SBSPON: variants seen among roughly 807,000 people sequenced by gnomAD.
SBSPON encodes somatomedin B and thrombospondin type 1 domain containing, also known as somatomedin-B and thrombospondin type-1 domain-containing protein.
In SBSPON, 30 loss-of-function variants were observed where a neutral mutation model predicts 35.8. That is an observed-to-expected ratio of 0.84 (90% CI 0.63 to 1.14). SBSPON has a LOEUF of 1.14. SBSPON is among the 50% of genes most tolerant of loss of function. The pLI, the probability that SBSPON is intolerant of heterozygous loss-of-function variation, is 0.00. For missense variants in SBSPON, 364 were observed against 357.7 expected, an observed-to-expected ratio of 1.02 and a Z score of -0.14; for synonymous variants, 136 against 135.9, an observed-to-expected ratio of 1.00 and a Z score of 0.00.
intron 2 of SBSPON, among the ~76,000 whole-genome samples, chr8:73,076,523 T>TG (rs1359185338): frequency 6.6e-6 from 1 of 151,776 alleles, no homozygotes; most frequent in Non-Finnish European, 1.5e-5. Flanking sequence ...GGTGCGCGCC[T>TG]GTAATCCCAG....
intron 3 of SBSPON, 67 bp from the exon 4 acceptor site, chr8:73,070,048 TAGAA>T (rs1003466803): frequency 2.9e-5 from 31 of 1,064,656 alleles, no homozygotes; most frequent in African/African-American, 9.7e-5. Flanking sequence ...TAGAAAGTCT[TAGAA>T]AGCCTGTCAC....
At position 73,092,957 on chromosome 8, in the gene SBSPON, G is replaced by C; in HGVS notation, c.111C>G (p.Phe37Leu). The C allele has an allele frequency of 1.1e-5, 18 of 1,602,022 alleles. No homozygotes were observed. The highest frequency in any genetic ancestry group is 1.5e-5 in the Non-Finnish European group (18 of 1,175,930). The change falls in exon 1 of 5, where the codon TTC becomes TTG. Residue 37 changes from phenylalanine to leucine, a missense_variant. Coordinates refer to ENST00000297354, the MANE Select transcript of SBSPON (RefSeq NM_153225.4). Reference protein sequence around the residue: ...RCCPGRDPACFARGWRLDRVY... With the variant: ...RCCPGRDPACLARGWRLDRVY... ...CCCTGTCCAGCCTCCAGCCGCGGGC[G>C]AAGCAGGCGGGGTCCCGGCCGGGAC...
Position 73,092,959 on chromosome 8 carries a change from A to C in SBSPON, c.109T>G (p.Phe37Val), listed in dbSNP as rs1810965100. 6.2e-7 allele frequency: 1 copy of C among 1,601,728 alleles called. No individual in the cohort carries two copies. Among genetic ancestry groups the C allele is most frequent in the Non-Finnish European group, 8.5e-7 (1 of 1,175,898 alleles). Residue 37 changes from phenylalanine (F) to valine (V), a missense_variant, in exon 1 of 5, where the codon TTC (phenylalanine) becomes GTC (valine). Physicochemically the swap from Phe to Val is conservative, Grantham distance 50 (BLOSUM62 -1). Transcript: ENST00000297354. ...CTGTCCAGCCTCCAGCCGCGGGCGA[A>C]GCAGGCGGGGTCCCGGCCGGGACAG... ...RCCPGRDPAC[F>V]ARGWRLDRVY...
intron 1 of SBSPON, among the ~76,000 whole-genome samples, chr8:73,090,818 G>A (rs1810918487): frequency 1.3e-5 from 2 of 152,140 alleles, no homozygotes; most frequent in Admixed American, 1.3e-4. Context: ...CACTTACAGT[G>A]ATTTCTGAGA....
intron 4 of SBSPON, among the ~76,000 whole-genome samples, chr8:73,067,890 G>A (rs564436145): frequency 4.0e-5 from 6 of 150,830 alleles, no homozygotes; most frequent in Admixed American, 3.3e-4. Flanking sequence ...CCCTTGTTTA[G>A]TTTCTGTCAA....
At position 73,069,370 on chromosome 8, in the gene SBSPON, C is replaced by T. The variant is rs368390286; in HGVS notation, c.677+435G>A. The stretch of plus-strand genomic sequence containing the variant: ...TGCAATCTTGGATCACTGCAACCTC[C>T]GCCTCCTGGACTCAAGTGATCCTCC... On this transcript the variant is annotated intron_variant, in intron 4 of 4. Coordinates refer to ENST00000297354, the MANE Select transcript of SBSPON (RefSeq NM_153225.4). Among the ~76,000 whole-genome samples, 38 of 152,212 alleles carry T rather than the reference C, an allele frequency of 2.5e-4. No individual in the cohort carries two copies. In the South Asian group the frequency reaches 5.6e-3, roughly 22 times the overall value.
chr8:73,085,426 T>C (rs1371763240), intron 1 of SBSPON: 1 of 137,954 alleles, frequency 7.2e-6, no homozygotes, highest in African/African-American at 2.9e-5. Context: ...TTTCAGAATA[T>C]GGTGAAAAAA....
intron 2 of SBSPON, among the ~76,000 whole-genome samples, chr8:73,075,349 A>G (rs1225209653): frequency 6.6e-6 from 1 of 152,196 alleles, no homozygotes; most frequent in Non-Finnish European, 1.5e-5. Context: ...TCCCAGAACC[A>G]GCATCACTTT....
rs551866823 is a variant in SBSPON at position 73,082,101 on chromosome 8, T to C, written c.215-888A>G. ...TAAAGCCATTCTCCTTCCTTGATTG[T>C]GAAGTCCACTTAACAAATCTGAAGA... On this transcript the variant is annotated intron_variant, in intron 1 of 4. Transcript: ENST00000297354. Among the ~76,000 whole-genome samples, 53 of 152,330 alleles carry C rather than the reference T, an allele frequency of 3.5e-4. 2 individuals carry two copies. In the South Asian group the frequency reaches 0.01, roughly 29 times the overall value.
At chr8:73,075,333 T>C (rs1243465255) in intron 2 of SBSPON, among the ~76,000 whole-genome samples, 1 of 152,230 alleles carries the variant, frequency 6.6e-6, no homozygotes, top group Non-Finnish European at 1.5e-5. Context: ...CCAGACTGCC[T>C]GGAGGTCCCA....
intron 2 of SBSPON, among the ~76,000 whole-genome samples, chr8:73,074,057 A>C (rs1007750): frequency 0.39 from 59,181 of 152,042 alleles, 12,464 homozygotes; most frequent in East Asian, 0.82. Context: ...AAAGGATTTA[A>C]TTCTCCCATA....
chr8:73,074,358 A>G (rs1239970061), intron 2 of SBSPON, among the ~76,000 whole-genome samples: 1 of 152,178 alleles, frequency 6.6e-6, no homozygotes, highest in Non-Finnish European at 1.5e-5. Context: ...ATAATAATAA[A>G]AATACGCACT....
chr8:73,083,623 T>C (rs978018135), intron 1 of SBSPON, among the ~76,000 whole-genome samples: 1 of 152,238 alleles, frequency 6.6e-6, no homozygotes, highest in African/African-American at 2.4e-5. Flanking sequence ...ATAGTATTCA[T>C]GTCCCCTTTC....
rs188040566 is a variant in SBSPON at position 73,081,106 on chromosome 8, C to T, written c.322G>A (p.Gly108Ser). ...RRSVQQEPQN[G>S]GAPCPPLEER... The stretch of plus-strand genomic sequence containing the variant: ...TCCAGGGGTGGGCAGGGCGCCCCGC[C>T]GTTCTGAGGCTCCTGCTGCACCGAG... The change falls in exon 2 of 5, where the codon GGC (glycine) becomes AGC (serine). Residue 108 changes from glycine to serine, a missense_variant. Transcript: ENST00000297354. 1,019 of 1,613,392 alleles carry T rather than the reference C, an allele frequency of 6.3e-4. No homozygotes were observed. Among genetic ancestry groups the T allele is most frequent in the Admixed American group, 9.2e-4 (55 of 59,934 alleles).
intron 1 of SBSPON, among the ~76,000 whole-genome samples, chr8:73,083,203 G>A (rs138709271): frequency 1.5e-3 from 233 of 152,180 alleles, no homozygotes; most frequent in African/African-American, 5.1e-3. Flanking sequence ...GCTCCTATTC[G>A]TTAAAGTTTG....
intron 1 of SBSPON, among the ~76,000 whole-genome samples, chr8:73,090,838 G>C (rs548230257): frequency 6.6e-6 from 1 of 152,158 alleles, no homozygotes; most frequent in African/African-American, 2.4e-5. Context: ...AGCTTCACAA[G>C]ACAGCAGGCC....
intron 2 of SBSPON, among the ~76,000 whole-genome samples, chr8:73,077,982 A>C (rs929686293): frequency 3.9e-5 from 6 of 152,176 alleles, no homozygotes; most frequent in African/African-American, 1.4e-4. Context: ...TTGCACAACT[A>C]TTCTAATAAA....
Position 73,081,182 on chromosome 8 carries a change from G to C in SBSPON, c.246C>G (p.Pro82=). The change falls in exon 2 of 5, where the codon CCC becomes CCG. Residue 82 remains proline (P), a synonymous_variant. Transcript: ENST00000297354. ...ARPCFVGEWS[P]WSGCADQCKP... Reference sequence around the variant, plus strand: ...TGCACTGGTCTGCACAACCACTCCAGGGGCTCCATTCCCCCACGAAGCACG... The same window carrying C: ...TGCACTGGTCTGCACAACCACTCCACGGGCTCCATTCCCCCACGAAGCACG... 1 of 1,597,560 alleles carries C rather than the reference G, an allele frequency of 6.3e-7. No homozygotes were observed. The highest frequency in any genetic ancestry group is 8.5e-7 in the Non-Finnish European group (1 of 1,170,544).
intron 1 of SBSPON, among the ~76,000 whole-genome samples, chr8:73,084,988 G>T (rs1484600419): frequency 6.6e-6 from 1 of 152,130 alleles, no homozygotes; most frequent in Non-Finnish European, 1.5e-5. Flanking sequence ...ATGGCATTGG[G>T]CATGTTTCCC....
Sources: allele counts gnomAD v4.1 joint callset (sites outside exome capture counted in the v4.1 genomes callset), GRCh38; gene constraint gnomAD v4.1.1; transcripts MANE v1.5; gene names NCBI Gene and HGNC (gene_info 2026-07-23, HGNC 2026-07-21).